Variants in BICC1 observed in about 807,000 individuals in gnomAD.
BICC1 encodes BicC family RNA binding protein 1.
BICC1 carries 43 observed loss-of-function variants against 111.0 expected under a neutral mutation model. That is an observed-to-expected ratio of 0.39 (90% CI 0.30 to 0.50). The LOEUF (loss-of-function observed/expected upper bound fraction) is 0.50. Among genes scored for constraint, BICC1 ranks in the 20% least tolerant of loss-of-function variants. The pLI is 0.88. For synonymous variants in BICC1, 467 were observed against 434.4 expected (o/e 1.07, Z -0.93); for missense variants, 1,091 against 1,203.2 (o/e 0.91, Z 1.38).
chr10:58,571,805 T>C (rs1161235598), intron 1 of BICC1, among the ~76,000 whole-genome samples: 1 of 152,176 alleles, frequency 6.6e-6, no homozygotes, highest in Admixed American at 6.6e-5. Flanking sequence ...AACATATGTG[T>C]GCATGTGTTT....
intron 8 of BICC1, among the ~76,000 whole-genome samples, chr10:58,792,257 G>GA (rs149636397): frequency 2.4e-4 from 33 of 139,454 alleles, no homozygotes; most frequent in Admixed American, 4.3e-4. Context: ...GAGCATTAGA[G>GA]AAAAAAAAAA....
At chr10:58,742,431 A>ATTTTTTT (rs554670544) in intron 3 of BICC1, among the ~76,000 whole-genome samples, 9 of 94,160 alleles carry the variant, frequency 9.6e-5, no homozygotes, top group East Asian at 2.9e-4. Context: ...GTATGCTTTA[A>ATTTTTTT]TTTTTTTTTT....
At chr10:58,612,509 A>G (rs1194034377) in intron 1 of BICC1, among the ~76,000 whole-genome samples, 2 of 152,104 alleles carry the variant, frequency 1.3e-5, no homozygotes, top group African/African-American at 4.8e-5. Flanking sequence ...ATATTTTTGC[A>G]CAAGAATCAG....
intron 3 of BICC1, among the ~76,000 whole-genome samples, chr10:58,704,185 G>A (rs1840323186): frequency 6.6e-6 from 1 of 152,120 alleles, no homozygotes; most frequent in Non-Finnish European, 1.5e-5. Context: ...ATTTCCACCT[G>A]GTTAAAATTA....
intron 1 of BICC1, among the ~76,000 whole-genome samples, chr10:58,559,842 TAATC>T (rs1843555794): frequency 6.6e-6 from 1 of 152,082 alleles, no homozygotes; most frequent in African/African-American, 2.4e-5. Flanking sequence ...TTTATAGAAA[TAATC>T]ATTTAGGTTT....
At chr10:58,568,555 AGGGGTTGTT>A (rs1382837317) in intron 1 of BICC1, among the ~76,000 whole-genome samples, 1 of 152,164 alleles carries the variant, frequency 6.6e-6, no homozygotes, top group Non-Finnish European at 1.5e-5. Flanking sequence ...GGAAAGGAAG[AGGGGTTGTT>A]GGCCAGCAAA....
intron 3 of BICC1, among the ~76,000 whole-genome samples, chr10:58,711,293 G>C (rs1840563799): frequency 6.6e-6 from 1 of 152,150 alleles, no homozygotes; most frequent in Non-Finnish European, 1.5e-5. Context: ...GAGAGAGCAT[G>C]GTCTAAATAG....
At chr10:58,674,365 A>G (rs1015516965) in intron 2 of BICC1, among the ~76,000 whole-genome samples, 1 of 152,120 alleles carries the variant, frequency 6.6e-6, no homozygotes, top group African/African-American at 2.4e-5. Context: ...TCAAGGGGAA[A>G]TATTAGTGAA....
At chr10:58,602,400 C>T (rs1845070666) in intron 1 of BICC1, among the ~76,000 whole-genome samples, 2 of 152,072 alleles carry the variant, frequency 1.3e-5, no homozygotes, top group South Asian at 4.1e-4. Context: ...AGACTATTAC[C>T]TAAAAATTAC....
chr10:58,800,837 CTGGAAGGTGATGT>C, intron 13 of BICC1, 40 bp from the exon 14 acceptor site: 1 of 1,506,016 alleles, frequency 6.6e-7, no homozygotes, highest in South Asian at 1.3e-5. Context: ...TAATTGTCAA[CTGGAAGGTGATGT>C]TGTTTAGGTG....
Position 58,611,622 on chromosome 10 carries a change from T to C in BICC1, c.191-9233T>C, listed in dbSNP as rs372877082. Among the ~76,000 whole-genome samples, 12 of 151,886 alleles carry C rather than the reference T, an allele frequency of 7.9e-5. No homozygotes were observed. The East Asian group carries it at 1.2e-3, about 15-fold the overall frequency. On this transcript the variant is annotated intron_variant, in intron 1 of 20. Coordinates refer to ENST00000373886, the MANE Select transcript of BICC1 (RefSeq NM_001080512.3). ...TCCCAAGTAGCTGGGATTACAGGCA[T>C]GCTCTACCACTCCCAGATTATTATT...
At chr10:58,594,448 G>A (rs1228137357) in intron 1 of BICC1, among the ~76,000 whole-genome samples, 1 of 152,018 alleles carries the variant, frequency 6.6e-6, no homozygotes, top group Non-Finnish European at 1.5e-5. Context: ...TTGAAATGAG[G>A]GAAAAAATAT....
At chr10:58,760,277 T>C (rs1842274490) in intron 3 of BICC1, among the ~76,000 whole-genome samples, 1 of 152,110 alleles carries the variant, frequency 6.6e-6, no homozygotes, top group Non-Finnish European at 1.5e-5. Context: ...AGATTGGTGG[T>C]CCCCAAATGA....
chr10:58,615,783 C>A (rs1350132125), intron 1 of BICC1, among the ~76,000 whole-genome samples: 1 of 152,076 alleles, frequency 6.6e-6, no homozygotes, highest in East Asian at 1.9e-4. Flanking sequence ...GTTATGGTGC[C>A]CAGTGGCAGC....
At chr10:58,644,268 G>T (rs563563335) in intron 2 of BICC1, among the ~76,000 whole-genome samples, 1 of 152,162 alleles carries the variant, frequency 6.6e-6, no homozygotes, top group Non-Finnish European at 1.5e-5. Flanking sequence ...GGGAAACCGC[G>T]TGGCTTTATT....
intron 1 of BICC1, among the ~76,000 whole-genome samples, chr10:58,554,814 C>G (rs902825607): frequency 1.3e-5 from 2 of 148,784 alleles, no homozygotes; most frequent in Non-Finnish European, 3.0e-5. Flanking sequence ...TTTTGCCTCT[C>G]TAGCCTTGTT....
At chr10:58,793,103 AG>A (rs1184898443) in intron 8 of BICC1, among the ~76,000 whole-genome samples, 2 of 152,218 alleles carry the variant, frequency 1.3e-5, no homozygotes. Flanking sequence ...TACAATCAAA[AG>A]CTGCCACTGG....
At chr10:58,539,644 T>C (rs1589076653) in intron 1 of BICC1, among the ~76,000 whole-genome samples, 1 of 151,814 alleles carries the variant, frequency 6.6e-6, no homozygotes, top group East Asian at 1.9e-4. Context: ...ACAAAAAATA[T>C]ATAAGGCAAA....
chr10:58,543,946 A>G (rs973411161), intron 1 of BICC1, among the ~76,000 whole-genome samples: 5 of 151,986 alleles, frequency 3.3e-5, no homozygotes, highest in Admixed American at 1.3e-4. Flanking sequence ...AAACTACTCA[A>G]ACGTTTTAAA....
Sources: gnomAD v4.1 joint callset for allele counts (sites outside exome capture counted in the v4.1 genomes callset) on GRCh38, gnomAD v4.1.1 for gene constraint, MANE v1.5 for transcripts, NCBI Gene and HGNC (gene_info 2026-07-23, HGNC 2026-07-21) for gene names.